The following KHDRBS2 variants were observed in gnomAD, a reference collection of about 807,000 sequenced individuals.
KHDRBS2 encodes the protein KH domain-containing, RNA-binding, signal transduction-associated protein 2.
A neutral mutation model predicts 44.3 loss-of-function variants in KHDRBS2; 26 were observed. The ratio of observed to expected loss-of-function variants is 0.59; its 90% CI spans 0.43 to 0.81. The LOEUF is 0.81. Ranked by LOEUF, KHDRBS2 falls within the 40% of genes least tolerant of loss-of-function variation. The pLI, the probability that KHDRBS2 is intolerant of heterozygous loss-of-function variation, is 0.00. For synonymous variants in KHDRBS2, 194 were observed against 151.1 expected, an observed-to-expected ratio of 1.28 and a Z score of -2.08; for missense variants, 476 against 433.1, an observed-to-expected ratio of 1.10 and a Z score of -0.88.
chr6:62,273,475 A>G (rs1017841098), intron 1 of KHDRBS2, among the ~76,000 whole-genome samples: 1 of 152,106 alleles, frequency 6.6e-6, no homozygotes, highest in African/African-American at 2.4e-5. Context: ...CAAATACCCT[A>G]TTTACCCGAT....
intron 6 of KHDRBS2, among the ~76,000 whole-genome samples, chr6:61,769,301 C>T (rs754360702): frequency 2.0e-5 from 3 of 152,046 alleles, no homozygotes; most frequent in Non-Finnish European, 4.4e-5. Flanking sequence ...CTGGAGAGTG[C>T]CAGACAGTAG....
the KHDRBS2 span, among the ~76,000 whole-genome samples, chr6:61,555,771 GA>G: frequency 6.6e-6 from 1 of 152,036 alleles, no homozygotes; most frequent in African/African-American, 2.4e-5. Flanking sequence ...ACTTCTGGTA[GA>G]TTGTTTTTTG....
intron 2 of KHDRBS2, among the ~76,000 whole-genome samples, chr6:62,108,647 C>T (rs1192479): frequency 2.2e-4 from 33 of 152,240 alleles, no homozygotes; most frequent in Non-Finnish European, 4.1e-4. Flanking sequence ...CACATGCACA[C>T]GTATGTTCAT....
chr6:62,150,832 A>G (rs557396393), intron 2 of KHDRBS2, among the ~76,000 whole-genome samples: 1 of 152,330 alleles, frequency 6.6e-6, no homozygotes, highest in Non-Finnish European at 1.5e-5. Context: ...CATCAAATCA[A>G]TGTGTTAACA....
At chr6:61,732,610 C>T in intron 7 of KHDRBS2, 72 bp downstream of exon 7, 3 of 844,108 alleles carry the variant, frequency 3.6e-6, no homozygotes, top group Non-Finnish European at 6.1e-6. Context: ...ATATAATTGA[C>T]ATTCAGATTC....
In KHDRBS2 at chr6:61,801,618, C is replaced by T. The variant is rs149047041; in HGVS notation, c.811-68854G>A. 9.6e-4 allele frequency among the ~76,000 whole-genome samples: 146 copies of T among 152,226 alleles called. 1 individual carries two copies. Among genetic ancestry groups the T allele is most frequent in the Non-Finnish European group, 1.8e-3 (124 of 68,016 alleles). ...GACTGAAGGTGCCGCTGCTCCCTAT[C>T]TTCTATTGATGATGGTAATTATAAT... On this transcript the variant is annotated intron_variant, in intron 6 of 8. Transcript: ENST00000281156.
In KHDRBS2 at chr6:61,961,012, C is replaced by A. The variant is rs1373486100; in HGVS notation, c.483+17054G>T. ...AGTGTTCAGTTTATCACTTTCTTCC[C>A]TGCCTTTTTTCCCTGGCCCAGACTG... On this transcript the variant is annotated intron_variant, in intron 4 of 8. Coordinates refer to ENST00000281156, the MANE Select transcript of KHDRBS2 (RefSeq NM_152688.4). Among the ~76,000 whole-genome samples, 3 of 152,068 alleles carry A rather than the reference C, an allele frequency of 2.0e-5. No individual in the cohort carries two copies. The East Asian group carries it at 5.8e-4, about 29-fold the overall frequency.
intron 8 of KHDRBS2, among the ~76,000 whole-genome samples, chr6:61,687,482 T>C (rs1432569172): frequency 3.3e-5 from 5 of 151,932 alleles, no homozygotes; most frequent in Admixed American, 3.3e-4. Context: ...TTTTGCATCT[T>C]CCTTTCAGAC....
chr6:62,086,510 G>A (rs1798402211), intron 2 of KHDRBS2, among the ~76,000 whole-genome samples: 1 of 152,138 alleles, frequency 6.6e-6, no homozygotes, highest in South Asian at 2.1e-4. Flanking sequence ...GTGGCATAGT[G>A]TTGAAATCTC....
intron 1 of KHDRBS2, among the ~76,000 whole-genome samples, chr6:62,238,230 C>T (rs182995419): frequency 6.6e-6 from 1 of 151,996 alleles, no homozygotes; most frequent in African/African-American, 2.4e-5. Flanking sequence ...AAAAAATATG[C>T]ATCTTTGTGT....
intron 1 of KHDRBS2, among the ~76,000 whole-genome samples, chr6:62,198,464 G>T (rs557358202): frequency 6.6e-6 from 1 of 152,080 alleles, no homozygotes; most frequent in Non-Finnish European, 1.5e-5. Flanking sequence ...ACACCTCTAC[G>T]CAAATAAACT....
chr6:61,823,591 C>A (rs1583021971), intron 6 of KHDRBS2, among the ~76,000 whole-genome samples: 1 of 152,054 alleles, frequency 6.6e-6, no homozygotes, highest in Non-Finnish European at 1.5e-5. Flanking sequence ...CTCATTATAA[C>A]AAATCAGTTC....
the KHDRBS2 span, among the ~76,000 whole-genome samples, chr6:61,647,271 AT>A: frequency 4.6e-5 from 7 of 152,316 alleles, no homozygotes; most frequent in South Asian, 1.5e-3. Flanking sequence ...ACTGAGAGCA[AT>A]AATAACAACT....
At chr6:62,078,654 GA>G (rs1365493782) in intron 2 of KHDRBS2, among the ~76,000 whole-genome samples, 1 of 151,840 alleles carries the variant, frequency 6.6e-6, no homozygotes. Context: ...AAATTGAAAG[GA>G]AAATTTAGTA....
chr6:61,907,453 T>C (rs1805242550), intron 4 of KHDRBS2, among the ~76,000 whole-genome samples: 1 of 152,204 alleles, frequency 6.6e-6, no homozygotes, highest in South Asian at 2.1e-4. Flanking sequence ...CCTGTGCTTT[T>C]TGAAGTATTA....
In KHDRBS2 at chr6:62,178,481, T is replaced by C. The variant is rs189214390; in HGVS notation, c.92-1169A>G. On this transcript the variant is annotated intron_variant, in intron 1 of 8. Coordinates refer to ENST00000281156, the MANE Select transcript of KHDRBS2 (RefSeq NM_152688.4). The stretch of plus-strand genomic sequence containing the variant: ...TGAAGAGTAAAGGAAGGCAGCCACA[T>C]TGTATTTTTATTTTTAAAGATAACA... Among the ~76,000 whole-genome samples the C allele has an allele frequency of 5.0e-4, 76 of 151,632 alleles. 1 individual carries two copies. Among genetic ancestry groups the C allele is most frequent in the African/African-American group, 1.6e-3 (65 of 41,484 alleles).
chr6:62,214,810 T>C (rs536518934), intron 1 of KHDRBS2, among the ~76,000 whole-genome samples: 2 of 152,110 alleles, frequency 1.3e-5, no homozygotes, highest in Non-Finnish European at 2.9e-5. Flanking sequence ...ATGCTTTTCT[T>C]CTTTCTGTAA....
At chr6:61,827,681 T>A (rs139911889) in intron 6 of KHDRBS2, among the ~76,000 whole-genome samples, 1 of 152,234 alleles carries the variant, frequency 6.6e-6, no homozygotes, top group African/African-American at 2.4e-5. Context: ...TAGTCCGAGA[T>A]CAGAGTACCA....
chr6:62,054,352 C>G (rs1241196228), intron 2 of KHDRBS2, among the ~76,000 whole-genome samples: 1 of 151,998 alleles, frequency 6.6e-6, no homozygotes, highest in Non-Finnish European at 1.5e-5. Flanking sequence ...GCAATGGAAT[C>G]CAGAATCCAT....
Sources: gnomAD v4.1 joint callset for allele counts (sites outside exome capture counted in the v4.1 genomes callset) on GRCh38, gnomAD v4.1.1 for gene constraint, MANE v1.5 for transcripts, NCBI Gene and HGNC (gene_info 2026-07-23, HGNC 2026-07-21) for gene names.